Variants in NR3C1 observed in about 807,000 individuals in gnomAD.
NR3C1 encodes glucocorticoid receptor.
Under a neutral mutation model 74.0 loss-of-function variants are expected in NR3C1, and 14 were observed. The observed-to-expected ratio is 0.19, with a 90% CI of 0.12 to 0.30. NR3C1 has a LOEUF of 0.30. Ranked by LOEUF, NR3C1 falls within the 10% of genes least tolerant of loss-of-function variation. The pLI, the probability that NR3C1 is intolerant of heterozygous loss-of-function variation, is 1.00. For missense variants in NR3C1, 695 were observed against 909.8 expected (o/e 0.76, Z 3.04); for synonymous variants, 308 against 332.5 (o/e 0.93, Z 0.80).
intron 1 of NR3C1, among the ~76,000 whole-genome samples, chr5:143,426,417 C>A (rs1751531469): frequency 6.6e-6 from 1 of 152,184 alleles, no homozygotes; most frequent in South Asian, 2.1e-4. Context: ...AAATTATTAA[C>A]CAACATATGC....
At chr5:143,416,967 A>G (rs4607376) in intron 1 of NR3C1, among the ~76,000 whole-genome samples, 65,657 of 151,932 alleles carry the variant, frequency 0.43, 15,429 homozygotes, top group East Asian at 0.53. Flanking sequence ...TTAATACATA[A>G]ATTGCTTTTC....
At chr5:143,383,465 TA>T (rs144436460) in intron 2 of NR3C1, among the ~76,000 whole-genome samples, 7,705 of 152,310 alleles carry the variant, frequency 0.051, 254 homozygotes, top group Non-Finnish European at 0.076. Flanking sequence ...TAGAAATATA[TA>T]AACAGTATTA....
At chr5:143,295,102 T>C (rs1470695324) in intron 7 of NR3C1, 1 of 985,270 alleles carries the variant, frequency 1.0e-6, no homozygotes, top group Admixed American at 6.2e-5. Context: ...AAACTAAAAT[T>C]TTTAACCAAA....
intron 2 of NR3C1, among the ~76,000 whole-genome samples, chr5:143,335,985 T>C (rs1377472017): frequency 1.3e-5 from 2 of 152,242 alleles, no homozygotes; most frequent in African/African-American, 4.8e-5. Context: ...CATATTCGCT[T>C]CTAACAGAAA....
chr5:143,357,563 A>C (rs1237209265), intron 2 of NR3C1, among the ~76,000 whole-genome samples: 1 of 152,126 alleles, frequency 6.6e-6, no homozygotes, highest in African/African-American at 2.4e-5. Context: ...CATGAACTAC[A>C]AACAGGGGAA....
chr5:143,367,887 T>C (rs986487697), intron 2 of NR3C1, among the ~76,000 whole-genome samples: 8 of 152,100 alleles, frequency 5.3e-5, no homozygotes, highest in African/African-American at 1.7e-4. Context: ...CTTCCAGAAA[T>C]GGAGAGTTGA....
chr5:143,349,965 A>G (rs1829952348), intron 2 of NR3C1, among the ~76,000 whole-genome samples: 1 of 152,148 alleles, frequency 6.6e-6, no homozygotes, highest in Non-Finnish European at 1.5e-5. Flanking sequence ...ATTTTGGAGG[A>G]AGAGGAGAAG....
At chr5:143,412,522 C>T (rs1171911419) in intron 1 of NR3C1, among the ~76,000 whole-genome samples, 1 of 152,120 alleles carries the variant, frequency 6.6e-6, no homozygotes, top group African/African-American at 2.4e-5. Flanking sequence ...CTTCTCACTT[C>T]TTCATTCCTA....
At chr5:143,308,633 CATCT>C (rs1449720006) in intron 4 of NR3C1, among the ~76,000 whole-genome samples, 3 of 152,128 alleles carry the variant, frequency 2.0e-5, no homozygotes, top group Non-Finnish European at 4.4e-5. Context: ...CCTTATTTTT[CATCT>C]ATCTAATTCC....
chr5:143,383,811 T>C (rs1237715576), intron 2 of NR3C1, among the ~76,000 whole-genome samples: 2 of 152,194 alleles, frequency 1.3e-5, no homozygotes, highest in African/African-American at 4.8e-5. Flanking sequence ...AAGAAAAGTA[T>C]AAACACTGCC....
chr5:143,314,640 CTAATTT>C (rs1821700372), intron 2 of NR3C1, among the ~76,000 whole-genome samples: 2 of 151,998 alleles, frequency 1.3e-5, no homozygotes, highest in African/African-American at 4.8e-5. Context: ...AATTTTTTTC[CTAATTT>C]TAAGATCTTA....
intron 1 of NR3C1, among the ~76,000 whole-genome samples, chr5:143,415,853 C>T (rs1841458988): frequency 6.6e-6 from 1 of 152,116 alleles, no homozygotes; most frequent in African/African-American, 2.4e-5. Context: ...AATGCTTGTC[C>T]ACTACAGCTC....
intron 2 of NR3C1, among the ~76,000 whole-genome samples, chr5:143,376,864 T>C (rs1382413306): frequency 6.6e-6 from 1 of 152,192 alleles, no homozygotes; most frequent in Non-Finnish European, 1.5e-5. Context: ...CTTAAGGGTA[T>C]CAGGGTTTGG....
intron 7 of NR3C1, among the ~76,000 whole-genome samples, chr5:143,291,016 G>A (rs1046809967): frequency 6.6e-6 from 1 of 151,178 alleles, no homozygotes; most frequent in South Asian, 2.1e-4. Context: ...TTTTTCTTAG[G>A]TATTCTCTTC....
At chr5:143,285,223 T>C (rs958795292) in intron 7 of NR3C1, among the ~76,000 whole-genome samples, 2 of 152,072 alleles carry the variant, frequency 1.3e-5, no homozygotes, top group African/African-American at 4.8e-5. Flanking sequence ...AAGATCTAAT[T>C]AAATATGCCG....
intron 2 of NR3C1, among the ~76,000 whole-genome samples, chr5:143,349,434 T>G (rs1829863992): frequency 6.6e-6 from 1 of 152,144 alleles, no homozygotes; most frequent in East Asian, 1.9e-4. Context: ...CTTAGAAGAC[T>G]TTACCCCTTC....
At chr5:143,336,728 T>C (rs1561601474) in intron 2 of NR3C1, among the ~76,000 whole-genome samples, 1 of 151,938 alleles carries the variant, frequency 6.6e-6, no homozygotes, top group Non-Finnish European at 1.5e-5. Context: ...TCCCAGCACT[T>C]TGGGAGGCTA....
chr5:143,302,599 T>TA (rs949291665), intron 4 of NR3C1, among the ~76,000 whole-genome samples: 13 of 151,136 alleles, frequency 8.6e-5, no homozygotes, highest in East Asian at 7.7e-4. Context: ...GCTGGAGGAT[T>TA]AAAAAAAAAC....
intron 1 of NR3C1, among the ~76,000 whole-genome samples, chr5:143,422,084 C>T (rs1005024482): frequency 2.0e-5 from 3 of 152,112 alleles, no homozygotes; most frequent in African/African-American, 7.2e-5. Context: ...TTACTAATAC[C>T]CAGTTTTCTC....
Sources: gnomAD v4.1 joint callset for allele counts (sites outside exome capture counted in the v4.1 genomes callset) on GRCh38, gnomAD v4.1.1 for gene constraint, MANE v1.5 for transcripts, NCBI Gene and HGNC (gene_info 2026-07-23, HGNC 2026-07-21) for gene names.